RANBP2: variants seen among roughly 807,000 people sequenced by gnomAD.
RANBP2 encodes RAN binding protein 2.
RANBP2 carries 57 observed loss-of-function variants against 303.6 expected under a neutral mutation model. That is an observed-to-expected ratio of 0.19 (90% CI 0.15 to 0.23). The LOEUF (loss-of-function observed/expected upper bound fraction) is 0.23, where lower values mean the gene tolerates loss of function less well. Ranked by LOEUF, RANBP2 falls within the 10% of genes least tolerant of loss-of-function variation. The pLI, the probability that RANBP2 is intolerant of heterozygous loss-of-function variation, is 1.00. For synonymous variants in RANBP2, 1,167 were observed against 1,301.5 expected (o/e 0.90, Z 2.23); for missense variants, 3,138 against 3,780.8 (o/e 0.83, Z 4.46).
chr2:109,243,293 T>C, the RANBP2 span, among the ~76,000 whole-genome samples: 5 of 152,270 alleles, frequency 3.3e-5, no homozygotes, highest in East Asian at 9.6e-4. Flanking sequence ...GTACACCGCA[T>C]GGATCCTGAG....
At chr2:108,778,716 T>C (rs939157133) in intron 25 of RANBP2, among the ~76,000 whole-genome samples, 1 of 149,382 alleles carries the variant, frequency 6.7e-6, no homozygotes, top group East Asian at 1.9e-4. Flanking sequence ...AAAAAGTTGC[T>C]GAACAATTTT....
chr2:109,071,540 G>A, the RANBP2 span, among the ~76,000 whole-genome samples: 98 of 152,210 alleles, frequency 6.4e-4, 1 homozygote, highest in Non-Finnish European at 2.1e-4. Flanking sequence ...TGGGTGTGGT[G>A]GTGTGCACCT....
chr2:109,197,255 T>C, the RANBP2 span, among the ~76,000 whole-genome samples: 2 of 152,052 alleles, frequency 1.3e-5, no homozygotes, highest in Non-Finnish European at 2.9e-5. Flanking sequence ...GCCAGGGTAA[T>C]TCGTTGGTCG....
chr2:108,822,060 A>G, the RANBP2 span, among the ~76,000 whole-genome samples: 5 of 152,188 alleles, frequency 3.3e-5, no homozygotes, highest in African/African-American at 1.2e-4. Flanking sequence ...GCTGTCTACA[A>G]GGGACTCATT....
chr2:109,121,249 T>TAAAAC, the RANBP2 span, among the ~76,000 whole-genome samples: 7,675 of 148,672 alleles, frequency 0.052, 287 homozygotes, highest in Middle Eastern at 0.13. Context: ...TCCATCTCTC[T>TAAAAC]AAAACAAAAC....
At chr2:109,419,536 C>T in the RANBP2 span, 1 of 1,589,996 alleles carries the variant, frequency 6.3e-7, no homozygotes, top group East Asian at 2.3e-5. Flanking sequence ...TGTCTGTTTC[C>T]AGGATGTCTC....
At chr2:108,804,868 GT>G in the RANBP2 span, 600 of 1,356,110 alleles carry the variant, frequency 4.4e-4, 1 homozygote, top group South Asian at 1.5e-3. Flanking sequence ...TTAGATGAGA[GT>G]TTTTTTTTTC....
chr2:109,711,474 C>T, the RANBP2 span, among the ~76,000 whole-genome samples: 2 of 152,196 alleles, frequency 1.3e-5, no homozygotes, highest in Non-Finnish European at 2.9e-5. Flanking sequence ...ATAAGCCACT[C>T]TCTTGTTTCA....
the RANBP2 span, chr2:109,614,098 G>C: frequency 5.0e-6 from 6 of 1,210,296 alleles, no homozygotes; most frequent in Non-Finnish European, 6.2e-6. Context: ...AGGACTGAGC[G>C]TCAGCGTTGG....
chr2:109,433,024 T>C, the RANBP2 span, among the ~76,000 whole-genome samples: 1 of 152,274 alleles, frequency 6.6e-6, no homozygotes, highest in African/African-American at 2.4e-5. Context: ...GTGTATGCTA[T>C]GCGTGTGCAG....
chr2:109,273,031 A>G, the RANBP2 span, among the ~76,000 whole-genome samples: 1 of 152,206 alleles, frequency 6.6e-6, no homozygotes, highest in African/African-American at 2.4e-5. Context: ...GTTGGTTTTA[A>G]TTTTACCAGT....
the RANBP2 span, among the ~76,000 whole-genome samples, chr2:108,978,338 C>G: frequency 6.6e-6 from 1 of 152,196 alleles, no homozygotes; most frequent in Non-Finnish European, 1.5e-5. Flanking sequence ...CCAATAATCA[C>G]CATCTTATTA....
chr2:109,221,674 T>G, the RANBP2 span, among the ~76,000 whole-genome samples: 8 of 152,268 alleles, frequency 5.3e-5, no homozygotes, highest in East Asian at 1.2e-3. Flanking sequence ...CTGTGTCTTT[T>G]GAGAAATGTC....
chr2:108,758,541 A>T lies in RANBP2; in HGVS notation c.2595A>T (p.Pro865=), dbSNP rs536959156. 5.0e-6 allele frequency: 8 copies of T among 1,611,306 alleles called. No individual in the cohort carries two copies. In the East Asian group the frequency reaches 1.6e-4, roughly 31 times the overall value. Residue 865 remains proline (P), a synonymous_variant, in exon 18 of 29, where the codon CCA becomes CCT. Coordinates refer to ENST00000283195, the MANE Select transcript of RANBP2 (RefSeq NM_006267.5). ...GGTCACAGACATTTCATGGGGCTCC[A>T]CTAACAGGTGAGCTGGCAAGTGGAT... ...YQGSQTFHGA[P]LTVATTGPSV...
chr2:109,406,587 A>G, the RANBP2 span, among the ~76,000 whole-genome samples: 9 of 152,192 alleles, frequency 5.9e-5, no homozygotes, highest in Admixed American at 2.0e-4. Flanking sequence ...GTTTTGGTAA[A>G]TGAAAGCTTT....
the RANBP2 span, chr2:109,419,701 G>A: frequency 6.7e-7 from 1 of 1,498,996 alleles, no homozygotes; most frequent in Non-Finnish European, 9.0e-7. Context: ...TCCTGCCTGG[G>A]CTGACCTGTC....
At chr2:109,344,308 C>T in the RANBP2 span, among the ~76,000 whole-genome samples, 1 of 152,138 alleles carries the variant, frequency 6.6e-6, no homozygotes, top group South Asian at 2.1e-4. Context: ...TAGGAGGGCA[C>T]AGGTGGTGAC....
the RANBP2 span, among the ~76,000 whole-genome samples, chr2:108,810,592 A>G: frequency 6.6e-6 from 1 of 152,104 alleles, no homozygotes; most frequent in Admixed American, 6.6e-5. Flanking sequence ...TTTTGCATCT[A>G]TGTTCATCAG....
the RANBP2 span, chr2:109,615,242 C>T: frequency 1.3e-6 from 2 of 1,551,112 alleles, no homozygotes; most frequent in Non-Finnish European, 1.7e-6. Flanking sequence ...CCTCGTCGTC[C>T]GCGGAGGAGG....
Sources: allele counts gnomAD v4.1 joint callset (sites outside exome capture counted in the v4.1 genomes callset), GRCh38; gene constraint gnomAD v4.1.1; transcripts MANE v1.5; gene names NCBI Gene and HGNC (gene_info 2026-07-23, HGNC 2026-07-21).